The following CSMD1 variants were observed in gnomAD, a reference collection of about 807,000 sequenced individuals.
The protein encoded by CSMD1 is CUB and sushi domain-containing protein 1.
Under a neutral mutation model 417.5 loss-of-function variants are expected in CSMD1, and 213 were observed. The observed-to-expected ratio is 0.51, with a 90% CI of 0.46 to 0.57. The LOEUF is 0.57. Among genes scored for constraint, CSMD1 ranks in the 20% least tolerant of loss-of-function variants. The pLI is 0.00. For missense variants in CSMD1, 6,923 were observed against 4,529.7 expected, an observed-to-expected ratio of 1.53 and a Z score of -15.17; for synonymous variants, 2,862 against 1,736.8, an observed-to-expected ratio of 1.65 and a Z score of -16.11.
In CSMD1 at chr8:3,558,483, C is replaced by A. The variant is rs556732501; in HGVS notation, c.1344+16462G>T. On this transcript the variant is annotated intron_variant, in intron 10 of 69. Coordinates refer to ENST00000635120, the MANE Select transcript of CSMD1 (RefSeq NM_033225.6). The stretch of plus-strand genomic sequence containing the variant: ...TCTCAATAGTACCCCATGTCCACTC[C>A]TCCAATGATGAACGGTGCCTCAATG... 1.1e-4 allele frequency among the ~76,000 whole-genome samples: 16 copies of A among 151,288 alleles called. No individual in the cohort carries two copies. The East Asian group carries it at 2.2e-3, about 20-fold the overall frequency.
Position 4,465,042 on chromosome 8 carries a change from CACA to C in CSMD1, c.303-44980_303-44978del, listed in dbSNP as rs771962342. Among the ~76,000 whole-genome samples the C allele has an allele frequency of 3.3e-5, 5 of 152,194 alleles. 1 individual carries two copies. The highest frequency in any genetic ancestry group is 4.1e-4 in the South Asian group (2 of 4,820). ...GGAAGAAAATAGGAAAAAAGGGAAA[CACA>C]ACAAGGCCGAGCATTTCAGACTCAG... On this transcript the variant is annotated intron_variant, in intron 2 of 69. Transcript: ENST00000635120.
intron 5 of CSMD1, among the ~76,000 whole-genome samples, chr8:3,874,379 G>T (rs1041500148): frequency 2.6e-5 from 4 of 152,310 alleles, no homozygotes; most frequent in Non-Finnish European, 4.4e-5. Context: ...CTTTAAAGAC[G>T]TACTTTTCAG....
At chr8:3,337,740 G>A (rs562187848) in intron 23 of CSMD1, among the ~76,000 whole-genome samples, 1 of 152,224 alleles carries the variant, frequency 6.6e-6, no homozygotes, top group East Asian at 1.9e-4. Flanking sequence ...ACATTCACCT[G>A]GAATCGGCCT....
intron 25 of CSMD1, among the ~76,000 whole-genome samples, chr8:3,297,950 A>G (rs772733654): frequency 6.6e-6 from 1 of 152,218 alleles, no homozygotes; most frequent in Non-Finnish European, 1.5e-5. Context: ...TTCAACTGGC[A>G]ATTAGTAAAA....
intron 1 of CSMD1, among the ~76,000 whole-genome samples, chr8:4,725,895 G>A (rs1479995845): frequency 6.6e-6 from 1 of 152,074 alleles, no homozygotes; most frequent in Non-Finnish European, 1.5e-5. Flanking sequence ...TGTGGGACTG[G>A]GTTCACATTC....
intron 39 of CSMD1, among the ~76,000 whole-genome samples, chr8:3,156,378 T>C (rs1037517759): frequency 2.0e-5 from 3 of 152,224 alleles, no homozygotes; most frequent in South Asian, 2.1e-4. Context: ...CATTCTTTAA[T>C]TGAAATTCTT....
At chr8:4,012,086 T>G (rs113444897) in intron 4 of CSMD1, among the ~76,000 whole-genome samples, 1,582 of 152,280 alleles carry the variant, frequency 0.01, 32 homozygotes, top group African/African-American at 0.035. Context: ...AGCTATATTG[T>G]AGACATAGCC....
intron 3 of CSMD1, among the ~76,000 whole-genome samples, chr8:4,387,569 G>GAAAAAAAAAA (rs1563120658): frequency 6.0e-4 from 2 of 3,310 alleles, no homozygotes; most frequent in Non-Finnish European, 3.0e-3. Flanking sequence ...ATCCAAACTG[G>GAAAAAAAAAA]CAAAAAAAAA....
intron 1 of CSMD1, among the ~76,000 whole-genome samples, chr8:4,695,286 C>T (rs1330738340): frequency 1.3e-5 from 2 of 152,220 alleles, no homozygotes; most frequent in East Asian, 1.9e-4. Context: ...TGACCCTGTA[C>T]AGCCTTTATA....
intron 10 of CSMD1, among the ~76,000 whole-genome samples, chr8:3,539,666 C>T (rs959799625): frequency 1.3e-5 from 2 of 151,800 alleles, no homozygotes; most frequent in Admixed American, 6.6e-5. Context: ...GTGACCTTGT[C>T]ACCCACTAAG....
At chr8:3,937,935 T>C (rs1314103545) in intron 5 of CSMD1, among the ~76,000 whole-genome samples, 1 of 152,200 alleles carries the variant, frequency 6.6e-6, no homozygotes, top group Admixed American at 6.6e-5. Flanking sequence ...TCAGTTCTAA[T>C]GTTTAGTTAC....
chr8:3,259,992 G>A (rs763966637), intron 26 of CSMD1, among the ~76,000 whole-genome samples: 1 of 152,288 alleles, frequency 6.6e-6, no homozygotes. Flanking sequence ...CACAGGACCT[G>A]CAAAGCCTAA....
At chr8:3,696,818 G>A (rs984339039) in intron 7 of CSMD1, among the ~76,000 whole-genome samples, 13 of 152,262 alleles carry the variant, frequency 8.5e-5, no homozygotes, top group Admixed American at 7.2e-4. Flanking sequence ...TTTATCATTT[G>A]AATTAAAATG....
In CSMD1 at chr8:3,463,344, G is replaced by C. The variant is rs1209530880; in HGVS notation, c.1561+5368C>G. 2.6e-5 allele frequency among the ~76,000 whole-genome samples: 4 copies of C among 152,072 alleles called. No individual in the cohort carries two copies. In the East Asian group the frequency reaches 7.7e-4, roughly 29 times the overall value. ...TGTCATAGACTTAAGTCAAGCCCTT[G>C]GAAAAAAATGTTAAATCCACCTTAG... On this transcript the variant is annotated intron_variant, in intron 12 of 69. Coordinates refer to ENST00000635120, the MANE Select transcript of CSMD1 (RefSeq NM_033225.6).
At chr8:4,506,627 A>G (rs1802540904) in intron 2 of CSMD1, among the ~76,000 whole-genome samples, 1 of 152,148 alleles carries the variant, frequency 6.6e-6, no homozygotes, top group East Asian at 1.9e-4. Context: ...ATGAGCAACA[A>G]ACAACCTTGT....
intron 3 of CSMD1, among the ~76,000 whole-genome samples, chr8:4,153,013 A>G (rs1051716175): frequency 1.3e-5 from 2 of 152,234 alleles, no homozygotes; most frequent in African/African-American, 2.4e-5. Context: ...GCAAGTGCAT[A>G]CCATTTATTA....
chr8:3,801,169 G>C (rs544554350), intron 5 of CSMD1, among the ~76,000 whole-genome samples: 1 of 151,362 alleles, frequency 6.6e-6, no homozygotes, highest in African/African-American at 2.4e-5. Context: ...ACCAAGAAAA[G>C]ATAGTCCACA....
intron 5 of CSMD1, among the ~76,000 whole-genome samples, chr8:3,947,913 C>T (rs1407237403): frequency 6.6e-6 from 1 of 152,122 alleles, no homozygotes; most frequent in Non-Finnish European, 1.5e-5. Context: ...CTGTTAAAAT[C>T]TCCAATGGTA....
chr8:3,527,457 G>T (rs1797799582), intron 10 of CSMD1, among the ~76,000 whole-genome samples: 1 of 152,152 alleles, frequency 6.6e-6, no homozygotes, highest in African/African-American at 2.4e-5. Flanking sequence ...AGTCTGTGTG[G>T]GCGAGGGTGG....
Sources: gnomAD v4.1 joint callset for allele counts (sites outside exome capture counted in the v4.1 genomes callset) on GRCh38, gnomAD v4.1.1 for gene constraint, MANE v1.5 for transcripts, NCBI Gene and HGNC (gene_info 2026-07-23, HGNC 2026-07-21) for gene names.